BMPR2: variants seen among roughly 807,000 people sequenced by gnomAD.
The protein encoded by BMPR2 is bone morphogenetic protein receptor type 2, also known as bone morphogenetic protein receptor type-2.
In BMPR2, 29 loss-of-function variants were observed where a neutral mutation model predicts 100.8. The ratio of observed to expected loss-of-function variants is 0.29; its 90% CI spans 0.21 to 0.39. The LOEUF is 0.39. Ranked by LOEUF, BMPR2 falls within the 10% of genes least tolerant of loss-of-function variation. The probability of loss-of-function intolerance (pLI) is 1.00; values close to 1 mark genes in which losing one functional copy is unlikely to be tolerated. For missense variants in BMPR2, 1,011 were observed against 1,274.5 expected (o/e 0.79, Z 3.15); for synonymous variants, 382 against 442.3 (o/e 0.86, Z 1.71).
At chr2:202,394,362 AAGT>A (rs1690618408) in intron 1 of BMPR2, among the ~76,000 whole-genome samples, 1 of 146,204 alleles carries the variant, frequency 6.8e-6, no homozygotes, top group East Asian at 1.9e-4. Context: ...AAAAAAAAAA[AAGT>A]AATAATAATA....
intron 9 of BMPR2, among the ~76,000 whole-genome samples, chr2:202,539,998 A>G (rs1454513029): frequency 6.6e-6 from 1 of 152,168 alleles, no homozygotes; most frequent in Non-Finnish European, 1.5e-5. Context: ...TGTCATTAAC[A>G]TTCACCTTTG....
At chr2:202,432,085 G>A (rs1691516960) in intron 1 of BMPR2, among the ~76,000 whole-genome samples, 2 of 150,700 alleles carry the variant, frequency 1.3e-5, no homozygotes, top group South Asian at 4.1e-4. Flanking sequence ...AATAAGTTAT[G>A]TAGAATAACT....
chr2:202,378,360 G>A (rs1406188932), intron 1 of BMPR2, among the ~76,000 whole-genome samples: 1 of 152,072 alleles, frequency 6.6e-6, no homozygotes, highest in Non-Finnish European at 1.5e-5. Flanking sequence ...GCCTTTTGGT[G>A]ATTTGCTTTT....
chr2:202,544,726 TA>T (rs1344242868), intron 10 of BMPR2, among the ~76,000 whole-genome samples: 2 of 151,620 alleles, frequency 1.3e-5, no homozygotes, highest in African/African-American at 4.8e-5. Context: ...AAAAGTTTCT[TA>T]AATTCAGAGG....
chr2:202,537,333 T>C (rs1574497617), intron 9 of BMPR2, among the ~76,000 whole-genome samples: 2 of 152,220 alleles, frequency 1.3e-5, no homozygotes, highest in African/African-American at 2.4e-5. Context: ...CTACAAACAA[T>C]ATATTTTGAA....
chr2:202,558,377 G>A (rs1419869500), intron 12 of BMPR2, among the ~76,000 whole-genome samples: 2 of 152,060 alleles, frequency 1.3e-5, no homozygotes, highest in African/African-American at 2.4e-5. Context: ...GTCCCACAGT[G>A]CTGGCATTAC....
intron 1 of BMPR2, among the ~76,000 whole-genome samples, chr2:202,427,901 C>T (rs1015846734): frequency 6.6e-6 from 1 of 152,114 alleles, no homozygotes; most frequent in African/African-American, 2.4e-5. Flanking sequence ...ATCACTTGAG[C>T]CTGGGAGGTG....
intron 3 of BMPR2, among the ~76,000 whole-genome samples, chr2:202,482,767 C>T (rs1692685650): frequency 6.6e-6 from 1 of 152,142 alleles, no homozygotes; most frequent in Non-Finnish European, 1.5e-5. Flanking sequence ...TTGCAAACTC[C>T]TGACCTTGTG....
At chr2:202,512,107 C>T (rs1687636950) in intron 3 of BMPR2, among the ~76,000 whole-genome samples, 1 of 152,026 alleles carries the variant, frequency 6.6e-6, no homozygotes, top group Non-Finnish European at 1.5e-5. Flanking sequence ...ACATATCCTT[C>T]TATAGAAATA....
At chr2:202,528,274 G>C (rs1263471283) in intron 7 of BMPR2, among the ~76,000 whole-genome samples, 1 of 152,160 alleles carries the variant, frequency 6.6e-6, no homozygotes, top group Non-Finnish European at 1.5e-5. Flanking sequence ...TGCAAGCTCT[G>C]CCTCCCGGCT....
chr2:202,451,742 G>GT (rs1286380492), intron 1 of BMPR2, among the ~76,000 whole-genome samples: 5 of 151,920 alleles, frequency 3.3e-5, no homozygotes, highest in African/African-American at 1.2e-4. Flanking sequence ...TTTTTGTTTT[G>GT]TTTTTTGTTG....
intron 1 of BMPR2, among the ~76,000 whole-genome samples, chr2:202,447,131 C>T (rs1283235310): frequency 2.7e-5 from 4 of 148,882 alleles, no homozygotes; most frequent in African/African-American, 7.7e-5. Context: ...CATAGTGAAA[C>T]CCTGTCTCTA....
At chr2:202,528,069 C>T (rs770189277) in intron 7 of BMPR2, among the ~76,000 whole-genome samples, 2 of 152,108 alleles carry the variant, frequency 1.3e-5, no homozygotes, top group African/African-American at 4.8e-5. Flanking sequence ...CACCTGTAGT[C>T]CCAGCTATTT....
At chr2:202,476,905 A>G (rs1474381840) in intron 3 of BMPR2, among the ~76,000 whole-genome samples, 1 of 149,250 alleles carries the variant, frequency 6.7e-6, no homozygotes, top group African/African-American at 2.5e-5. Flanking sequence ...AAAACAACAC[A>G]TTTTGTATTA....
intron 7 of BMPR2, among the ~76,000 whole-genome samples, chr2:202,523,676 T>C (rs1409692232): frequency 6.6e-6 from 1 of 151,930 alleles, no homozygotes; most frequent in African/African-American, 2.4e-5. Flanking sequence ...TGGTGGTGCA[T>C]GCCTGTAATC....
At chr2:202,547,698 G>T (rs757124872) in intron 10 of BMPR2, among the ~76,000 whole-genome samples, 2 of 147,292 alleles carry the variant, frequency 1.4e-5, no homozygotes, top group Non-Finnish European at 3.0e-5. Context: ...CAGGAGAATC[G>T]CTTGAGCCCG....
intron 1 of BMPR2, among the ~76,000 whole-genome samples, chr2:202,384,525 T>TCTTTCTTC: frequency 7.6e-6 from 1 of 131,216 alleles, no homozygotes; most frequent in Non-Finnish European, 1.6e-5. Context: ...TTTCTTTCTT[T>TCTTTCTTC]CTTTCTCTTT....
At chr2:202,492,202 A>G (rs1288226217) in intron 3 of BMPR2, among the ~76,000 whole-genome samples, 1 of 152,130 alleles carries the variant, frequency 6.6e-6, no homozygotes, top group Non-Finnish European at 1.5e-5. Context: ...TGTTAGGAAC[A>G]GGTAGGAGCA....
At chr2:202,513,607 C>A in intron 3 of BMPR2, 112 bp from the exon 4 acceptor site, 1 of 688,742 alleles carries the variant, frequency 1.5e-6, no homozygotes, top group South Asian at 1.8e-5. Flanking sequence ...GATGCAAAAA[C>A]ATTACTAATT....
Sources: allele counts gnomAD v4.1 joint callset (sites outside exome capture counted in the v4.1 genomes callset), GRCh38; gene constraint gnomAD v4.1.1; transcripts MANE v1.5; gene names NCBI Gene and HGNC (gene_info 2026-07-23, HGNC 2026-07-21).